Variants in NFATC1 observed in about 807,000 individuals in gnomAD.
The protein encoded by NFATC1 is nuclear factor of activated T cells 1.
Under a neutral mutation model 76.0 loss-of-function variants are expected in NFATC1, and 22 were observed. The ratio of observed to expected loss-of-function variants is 0.29; its 90% confidence interval spans 0.21 to 0.41. The LOEUF (loss-of-function observed/expected upper bound fraction) is 0.41, where lower values mean the gene tolerates loss of function less well. Ranked by LOEUF, NFATC1 falls within the 10% of genes least tolerant of loss-of-function variation. The pLI is 1.00. For synonymous variants in NFATC1, 704 were observed against 613.1 expected, an observed-to-expected ratio of 1.15 and a Z score of -2.19; for missense variants, 1,357 against 1,337.7, an observed-to-expected ratio of 1.01 and a Z score of -0.23.
chr18:79,399,327 G>T (rs1018002310), intron 1 of NFATC1, among the ~76,000 whole-genome samples: 1 of 152,218 alleles, frequency 6.6e-6, no homozygotes, highest in Non-Finnish European at 1.5e-5. Flanking sequence ...AGGGTTTCTC[G>T]CCTCTGGAAA....
intron 4 of NFATC1, among the ~76,000 whole-genome samples, chr18:79,449,537 G>A (rs535302278): frequency 2.6e-5 from 4 of 152,250 alleles, no homozygotes; most frequent in Admixed American, 6.5e-5. Context: ...GAAGGCAGCC[G>A]AGGAGGAGGA....
chr18:79,451,377 G>A (rs2087466893), intron 5 of NFATC1, among the ~76,000 whole-genome samples: 3 of 152,276 alleles, frequency 2.0e-5, no homozygotes, highest in Admixed American at 6.5e-5. Context: ...GTGGGCCGGG[G>A]CTTCCCCTCA....
chr18:79,450,652 G>GGGGTGGA (rs1250929148), intron 4 of NFATC1, among the ~76,000 whole-genome samples: 12 of 152,266 alleles, frequency 7.9e-5, no homozygotes, highest in African/African-American at 2.6e-4. Context: ...CGCTTGGTCA[G>GGGGTGGA]GGGTGGAGGG....
chr18:79,473,044 C>T (rs960694431), intron 8 of NFATC1, among the ~76,000 whole-genome samples: 3 of 152,256 alleles, frequency 2.0e-5, no homozygotes, highest in African/African-American at 7.2e-5. Context: ...AGCCGGGACC[C>T]CTACACTGAT....
chr18:79,459,731 T>C (rs1273464478), intron 6 of NFATC1, among the ~76,000 whole-genome samples: 1 of 152,162 alleles, frequency 6.6e-6, no homozygotes, highest in Non-Finnish European at 1.5e-5. Context: ...ACCCCAAAGA[T>C]GGACTTTGTC....
chr18:79,441,326 T>A (rs972612893), intron 3 of NFATC1, among the ~76,000 whole-genome samples: 1 of 152,140 alleles, frequency 6.6e-6, no homozygotes, highest in Non-Finnish European at 1.5e-5. Context: ...GGTATCGCTG[T>A]AGCTGTCGGG....
intron 3 of NFATC1, among the ~76,000 whole-genome samples, chr18:79,444,231 G>GTGTGCACGCTCTGGGGGT (rs1568969246): frequency 1.8e-4 from 28 of 152,126 alleles, no homozygotes; most frequent in African/African-American, 6.7e-4. Context: ...GCTCTGGGGG[G>GTGTGCACGCTCTGGGGGT]GTGTGCACAT....
rs1568970042 is a variant in NFATC1, at chr18:79,444,767, C to CACT, written c.1387-4015_1387-4014insACT. ...TGCCCGACCCCACAGACCACACCGG[C>CACT]GCTGCACACACAGGCACCCCCGTGG... On this transcript the variant is annotated intron_variant, in intron 3 of 9. Transcript: ENST00000427363. 5.3e-4 allele frequency among the ~76,000 whole-genome samples: 76 copies of CACT among 142,362 alleles called. 1 individual carries two copies. The highest frequency in any genetic ancestry group is 2.0e-3 in the African/African-American group (67 of 33,422). 93.4% of individuals were successfully genotyped at this position (142,362 alleles called of 152,430 possible). A position where few individuals can be genotyped will look rare whatever the true frequency, so the allele number is the denominator to read the frequency against.
intron 9 of NFATC1, among the ~76,000 whole-genome samples, chr18:79,520,951 G>A (rs2090531583): frequency 9.1e-6 from 1 of 109,642 alleles, no homozygotes; most frequent in Non-Finnish European, 1.8e-5. Flanking sequence ...CCACTGATGT[G>A]TGTGTCTGTG....
At chr18:79,512,498 A>C (rs1259258939) in intron 9 of NFATC1, among the ~76,000 whole-genome samples, 1 of 152,210 alleles carries the variant, frequency 6.6e-6, no homozygotes, top group Non-Finnish European at 1.5e-5. Flanking sequence ...CCGGAGCCGG[A>C]GCAGCATCTG....
At chr18:79,492,873 CAAAAA>C (rs397937205) in intron 9 of NFATC1, among the ~76,000 whole-genome samples, 1,720 of 68,618 alleles carry the variant, frequency 0.025, 19 homozygotes, top group Non-Finnish European at 0.035. Context: ...GACTCCATCT[CAAAAA>C]AAAAAAAGAA....
intron 2 of NFATC1, among the ~76,000 whole-genome samples, chr18:79,433,004 G>A (rs1048782092): frequency 3.3e-5 from 5 of 152,208 alleles, no homozygotes; most frequent in African/African-American, 1.2e-4. Context: ...GTCGTACCCC[G>A]CCCTGCTGCG....
chr18:79,461,122 G>A lies in NFATC1; in HGVS notation c.1904-189G>A, dbSNP rs539364067. Among the ~76,000 whole-genome samples, 325 of 152,308 alleles carry A rather than the reference G, an allele frequency of 2.1e-3. 2 individuals carry two copies. Among genetic ancestry groups the A allele is most frequent in the African/African-American group, 7.4e-3 (307 of 41,576 alleles). ...CCAGGGCAACTTTGGTGTCGAGCTC[G>A]GGGCCCTGCCAGGGCACGTGGCTCC... On this transcript the variant is annotated intron_variant, in intron 6 of 9. Coordinates refer to ENST00000427363, the MANE Select transcript of NFATC1 (RefSeq NM_001278669.2).
At chr18:79,419,879 T>C (rs2086012398) in intron 2 of NFATC1, among the ~76,000 whole-genome samples, 2 of 152,242 alleles carry the variant, frequency 1.3e-5, no homozygotes, top group South Asian at 4.1e-4. Flanking sequence ...TTATTCACAT[T>C]CAAAACCAGA....
intron 2 of NFATC1, among the ~76,000 whole-genome samples, chr18:79,420,388 G>A (rs1193012968): frequency 1.4e-5 from 2 of 144,366 alleles, no homozygotes; most frequent in Non-Finnish European, 1.5e-5. Flanking sequence ...AAGGAGGGTC[G>A]CGTTTCCAGG....
intron 8 of NFATC1, among the ~76,000 whole-genome samples, chr18:79,477,040 G>C (rs1416171645): frequency 6.6e-6 from 1 of 152,180 alleles, no homozygotes; most frequent in Non-Finnish European, 1.5e-5. Flanking sequence ...CCCCATGGTG[G>C]GCCGTGGATC....
In NFATC1 at chr18:79,461,507, A is replaced by G. The variant is rs114762911; in HGVS notation, c.1959+141A>G. ...AGAATGAAACAAATAAAAATAGTGCATAGAGTAACAGAACCAGTAACAAAC... is the reference window on the plus strand; with the variant it reads ...AGAATGAAACAAATAAAAATAGTGCGTAGAGTAACAGAACCAGTAACAAAC... On this transcript the variant is annotated intron_variant, in intron 7 of 9. Transcript: ENST00000427363. The G allele has an allele frequency of 5.2e-3, 2,851 of 552,372 alleles. 70 individuals carry two copies. In the African/African-American group the frequency reaches 0.13, roughly 25 times the overall value. The allele number at this position is 552,372 out of a possible 1,614,324, so 34.2% of individuals were successfully genotyped here. A position where few individuals can be genotyped will look rare whatever the true frequency, so the allele number is the denominator to read the frequency against.
intron 7 of NFATC1, among the ~76,000 whole-genome samples, chr18:79,464,684 A>ACGTATATATATACACACATG (rs1568994626): frequency 8.1e-4 from 70 of 86,486 alleles, no homozygotes; most frequent in East Asian, 2.5e-3. Context: ...ATGTATGTGT[A>ACGTATATATATACACACATG]TATATATATA....
At chr18:79,429,495 C>T (rs889964233) in intron 2 of NFATC1, among the ~76,000 whole-genome samples, 1 of 152,072 alleles carries the variant, frequency 6.6e-6, no homozygotes, top group African/African-American at 2.4e-5. Flanking sequence ...AGCGAGTTGC[C>T]GTTCCGGGGG....
Sources: allele counts gnomAD v4.1 joint callset (sites outside exome capture counted in the v4.1 genomes callset), GRCh38; gene constraint gnomAD v4.1.1; transcripts MANE v1.5; gene names NCBI Gene and HGNC (gene_info 2026-07-23, HGNC 2026-07-21).